The following SPHKAP variants were observed in gnomAD, a reference collection of about 807,000 sequenced individuals.
SPHKAP encodes SPHK1 interactor, AKAP domain containing, also known as A-kinase anchor protein SPHKAP.
A neutral mutation model predicts 137.5 loss-of-function variants in SPHKAP; 67 were observed. The observed-to-expected ratio is 0.49, with a 90% confidence interval of 0.40 to 0.60. The LOEUF (loss-of-function observed/expected upper bound fraction) is 0.60. SPHKAP is among the 20% of genes least tolerant of loss of function. The probability of loss-of-function intolerance (pLI) is 0.00; values close to 1 mark genes in which losing one functional copy is unlikely to be tolerated. For synonymous variants in SPHKAP, 813 were observed against 785.3 expected (o/e 1.04, Z -0.59); for missense variants, 2,097 against 2,069.3 (o/e 1.01, Z -0.26).
At chr2:228,165,240 G>A (rs1291262474) in intron 1 of SPHKAP, among the ~76,000 whole-genome samples, 1 of 151,748 alleles carries the variant, frequency 6.6e-6, no homozygotes, top group East Asian at 1.9e-4. Flanking sequence ...GACTAGACAT[G>A]TATCCATTTC....
At chr2:228,075,805 G>C (rs1315549842) in intron 3 of SPHKAP, among the ~76,000 whole-genome samples, 1 of 152,168 alleles carries the variant, frequency 6.6e-6, no homozygotes, top group African/African-American at 2.4e-5. Context: ...CTTTACTAAA[G>C]TGAAACTACA....
chr2:227,999,540 A>G (rs994387758), intron 7 of SPHKAP, among the ~76,000 whole-genome samples: 2 of 152,214 alleles, frequency 1.3e-5, no homozygotes, highest in African/African-American at 4.8e-5. Context: ...TTAGAATCTC[A>G]TGTTATTAGA....
intron 3 of SPHKAP, among the ~76,000 whole-genome samples, chr2:228,075,756 G>T (rs1008418291): frequency 4.6e-5 from 7 of 152,174 alleles, no homozygotes; most frequent in Admixed American, 1.3e-4. Flanking sequence ...ACTTTGAGTA[G>T]TTAAATTAGA....
chr2:227,991,662 T>C, intron 9 of SPHKAP: 1 of 985,476 alleles, frequency 1.0e-6, no homozygotes, highest in Non-Finnish European at 1.2e-6. Flanking sequence ...AAGAGAGATT[T>C]TGTGGGTAAC....
rs548367751 is a variant in SPHKAP at position 227,989,018 on chromosome 2, T to A, written c.4959+1982A>T. Among the ~76,000 whole-genome samples the A allele has an allele frequency of 4.6e-5, 7 of 152,228 alleles. 1 individual carries two copies. Among genetic ancestry groups the A allele is most frequent in the Admixed American group, 1.3e-4 (2 of 15,276 alleles). On this transcript the variant is annotated intron_variant, in intron 11 of 11. Transcript: ENST00000392056. ...GTGAGAAAGGGTATGAAAAATGAAT[T>A]AGGTCTCCTTTTCAATTTTTCCTGT...
At position 228,147,217 on chromosome 2, in the gene SPHKAP, TTAAG is replaced by T. The variant is rs147530511; in HGVS notation, c.33-15136_33-15133del. Among the ~76,000 whole-genome samples the T allele has an allele frequency of 1.1e-3, 163 of 152,340 alleles. 1 individual carries two copies. The highest frequency in any genetic ancestry group is 6.8e-3 in the Middle Eastern group (2 of 294). Reference sequence around the variant, plus strand: ...ACTTAAAAGATCTTGTGATTTATCTTTAAGTAAGTTAATAAAGATGATCTTTTAA... The same window carrying T: ...ACTTAAAAGATCTTGTGATTTATCTTTAAGTTAATAAAGATGATCTTTTAA... On this transcript the variant is annotated intron_variant, in intron 1 of 11. Transcript: ENST00000392056.
chr2:228,003,241 G>C (rs540461355), intron 7 of SPHKAP, among the ~76,000 whole-genome samples: 4 of 151,972 alleles, frequency 2.6e-5, no homozygotes, highest in Non-Finnish European at 4.4e-5. Flanking sequence ...CTTTTATTTC[G>C]TTGAGCAGTG....
chr2:228,156,675 A>G (rs1350993393), intron 1 of SPHKAP, among the ~76,000 whole-genome samples: 1 of 152,124 alleles, frequency 6.6e-6, no homozygotes, highest in Admixed American at 6.5e-5. Context: ...TAGCTCCTAT[A>G]ATTCCCTTGT....
chr2:228,154,506 C>CTA (rs1397617929), intron 1 of SPHKAP, among the ~76,000 whole-genome samples: 440 of 29,788 alleles, frequency 0.015, no homozygotes, highest in African/African-American at 0.019. Flanking sequence ...CTCTCTCTCT[C>CTA]TCTCTCTATA....
Position 228,006,089 on chromosome 2 carries a change from C to T in SPHKAP, c.4448+10317G>A, listed in dbSNP as rs552762088. Among the ~76,000 whole-genome samples, 13 of 152,248 alleles carry T rather than the reference C, an allele frequency of 8.5e-5. No individual in the cohort carries two copies. The East Asian group carries it at 2.3e-3, about 27-fold the overall frequency. The stretch of plus-strand genomic sequence containing the variant: ...TTCCTGAATTTGAATGTTGGCCTGC[C>T]TTGCTAGGTTGGGGAAGTTCTCCTG... On this transcript the variant is annotated intron_variant, in intron 7 of 11. Transcript: ENST00000392056.
rs548987350 is a variant in SPHKAP at position 228,039,652 on chromosome 2, A to T, written c.247-12109T>A. Among the ~76,000 whole-genome samples the T allele has an allele frequency of 2.0e-5, 3 of 152,340 alleles. No homozygotes were observed. The East Asian group carries it at 5.8e-4, about 29-fold the overall frequency. On this transcript the variant is annotated intron_variant, in intron 3 of 11. Transcript: ENST00000392056. ...AAATCTAGTATTCAATACAAAACACAGTCATTTTTAAGTGAATTGTAATTC... is the reference window on the plus strand; with the variant it reads ...AAATCTAGTATTCAATACAAAACACTGTCATTTTTAAGTGAATTGTAATTC...
intron 9 of SPHKAP, 65 bp from the exon 10 acceptor site, chr2:227,991,391 G>A (rs1693409875): frequency 3.7e-6 from 6 of 1,610,810 alleles, no homozygotes; most frequent in East Asian, 4.5e-5. Flanking sequence ...AATGAAAGAT[G>A]AGGCGATGGG....
At chr2:228,086,602 C>T (rs1697547258) in intron 3 of SPHKAP, among the ~76,000 whole-genome samples, 1 of 152,112 alleles carries the variant, frequency 6.6e-6, no homozygotes, top group South Asian at 2.1e-4. Flanking sequence ...CATGACCACC[C>T]TCACTCAAAT....
intron 3 of SPHKAP, among the ~76,000 whole-genome samples, chr2:228,087,618 G>C (rs1697579343): frequency 6.6e-6 from 1 of 152,080 alleles, no homozygotes; most frequent in Non-Finnish European, 1.5e-5. Context: ...TTATTTAAAA[G>C]AGCCATATGA....
chr2:228,154,113 C>G (rs1298547801), intron 1 of SPHKAP, among the ~76,000 whole-genome samples: 4 of 152,104 alleles, frequency 2.6e-5, no homozygotes, highest in Non-Finnish European at 5.9e-5. Flanking sequence ...AATCAACCAT[C>G]TACTTTCTCT....
rs143895657 is a variant in SPHKAP at position 228,023,968 on chromosome 2, C to T, written c.441+1426G>A. 4.0e-3 allele frequency among the ~76,000 whole-genome samples: 605 copies of T among 152,238 alleles called. 5 individuals are homozygous for T. Among genetic ancestry groups the T allele is most frequent in the African/African-American group, 0.014 (587 of 41,522 alleles). On this transcript the variant is annotated intron_variant, in intron 5 of 11. Transcript: ENST00000392056. Reference sequence around the variant, plus strand: ...AAATGACGTCCCATTCACTCTTTCCCGACTTGAACCCAAAAAGATATTGCT... The same window carrying T: ...AAATGACGTCCCATTCACTCTTTCCTGACTTGAACCCAAAAAGATATTGCT...
chr2:228,108,765 A>G, intron 3 of SPHKAP, 67 bp downstream of exon 3: 1 of 1,119,554 alleles, frequency 8.9e-7, no homozygotes, highest in Non-Finnish European at 1.3e-6. Flanking sequence ...TTTTGGTCCT[A>G]AACATGGGTA....
chr2:228,005,900 T>A (rs4502398), intron 7 of SPHKAP, among the ~76,000 whole-genome samples: 13 of 152,230 alleles, frequency 8.5e-5, no homozygotes, highest in East Asian at 3.9e-4. Context: ...AGTTTCTGCC[T>A]AGAGATCAGC....
intron 7 of SPHKAP, chr2:227,996,181 T>TA (rs1467038566): frequency 1.0e-6 from 1 of 969,756 alleles, no homozygotes; most frequent in Non-Finnish European, 1.2e-6. Flanking sequence ...ACTGACTTGG[T>TA]AAAAAGCAAG....
Sources: allele counts gnomAD v4.1 joint callset (sites outside exome capture counted in the v4.1 genomes callset), GRCh38; gene constraint gnomAD v4.1.1; transcripts MANE v1.5; gene names NCBI Gene and HGNC (gene_info 2026-07-23, HGNC 2026-07-21).